Variants in TPO observed in about 807,000 individuals in gnomAD.
TPO encodes the protein thyroid peroxidase, also known as thyroid microsomal antigen.
TPO carries 78 observed loss-of-function variants against 96.9 expected under a neutral mutation model. The observed-to-expected ratio is 0.81, with a 90% confidence interval of 0.67 to 0.97. TPO has a LOEUF of 0.97. TPO is among the 50% of genes least tolerant of loss of function. The pLI, the probability that TPO is intolerant of heterozygous loss-of-function variation, is 0.00. For synonymous variants in TPO, 547 were observed against 538.0 expected, an observed-to-expected ratio of 1.02 and a Z score of -0.23; for missense variants, 1,252 against 1,274.8, an observed-to-expected ratio of 0.98 and a Z score of 0.27.
In TPO at chr2:1,487,744, A is replaced by G; in HGVS notation, c.1598-77A>G. ...AAAGAATGAGACTCCGTCTCAAAAA[A>G]AAAAAAAATTGAGATATTGTTGTTT... On this transcript the variant is annotated intron_variant, in intron 9 of 16. Transcript: ENST00000329066. 4 of 1,590,858 alleles carry G rather than the reference A, an allele frequency of 2.5e-6. No homozygotes were observed. The South Asian group carries it at 3.4e-5, about 13-fold the overall frequency.
chr2:1,454,483 T>C (rs970842727), intron 6 of TPO, among the ~76,000 whole-genome samples: 2 of 152,156 alleles, frequency 1.3e-5, no homozygotes, highest in African/African-American at 4.8e-5. Flanking sequence ...CCAACAACTT[T>C]ACCTAGGCAA....
chr2:1,400,135 A>G (rs1396267793), intron 1 of TPO, among the ~76,000 whole-genome samples: 2 of 152,146 alleles, frequency 1.3e-5, no homozygotes, highest in Non-Finnish European at 2.9e-5. Flanking sequence ...GTTATTATCA[A>G]AGATAGGGGA....
At chr2:1,426,980 C>T (rs531562691) in intron 3 of TPO, among the ~76,000 whole-genome samples, 1 of 152,306 alleles carries the variant, frequency 6.6e-6, no homozygotes, top group African/African-American at 2.4e-5. Flanking sequence ...AGCCTGCCTA[C>T]GGAAGTGTTT....
At chr2:1,453,272 T>A (rs990690485) in intron 5 of TPO, among the ~76,000 whole-genome samples, 3 of 152,218 alleles carry the variant, frequency 2.0e-5, no homozygotes, top group African/African-American at 4.8e-5. Context: ...CCCTGGTGGC[T>A]TCATGGTGCT....
At chr2:1,521,836 C>T (rs945317330) in intron 15 of TPO, among the ~76,000 whole-genome samples, 3 of 151,984 alleles carry the variant, frequency 2.0e-5, no homozygotes, top group African/African-American at 7.3e-5. Context: ...GGGAGCTGTT[C>T]CCAGCCTGGT....
chr2:1,450,409 C>T (rs898517599), intron 5 of TPO, among the ~76,000 whole-genome samples: 3 of 152,190 alleles, frequency 2.0e-5, no homozygotes, highest in Admixed American at 6.5e-5. Flanking sequence ...CAGAGTGACT[C>T]GGAGCCTCAG....
chr2:1,420,762 G>A (rs541592667), intron 2 of TPO, among the ~76,000 whole-genome samples: 2 of 152,240 alleles, frequency 1.3e-5, no homozygotes, highest in East Asian at 1.9e-4. Flanking sequence ...GGAGATCAGT[G>A]CAGGAGCCAG....
chr2:1,434,281 A>G (rs551944387), intron 4 of TPO, among the ~76,000 whole-genome samples: 64 of 152,286 alleles, frequency 4.2e-4, no homozygotes, highest in African/African-American at 1.5e-3. Context: ...ATTTATCAAG[A>G]ATTTTTTCTC....
At chr2:1,387,568 C>G (rs1421810522) in intron 1 of TPO, among the ~76,000 whole-genome samples, 1 of 152,196 alleles carries the variant, frequency 6.6e-6, no homozygotes, top group Non-Finnish European at 1.5e-5. Context: ...TCAGCAGGTC[C>G]TTTAAGGACT....
At position 1,496,699 on chromosome 2, in the gene TPO, C is replaced by A. The variant is rs777714325; in HGVS notation, c.2320C>A (p.Leu774Ile). 1 of 1,614,096 alleles carries A rather than the reference C, an allele frequency of 6.2e-7. No homozygotes were observed. The highest frequency in any genetic ancestry group is 8.5e-7 in the Non-Finnish European group (1 of 1,180,038). Residue 774 changes from leucine to isoleucine, a missense_variant, in exon 13 of 17, where the codon CTC becomes ATC. Physicochemically the swap from Leu to Ile is conservative, Grantham distance 5. Transcript: ENST00000329066. ...GTATTCCTGCCGGCACGGGTATGAG[C>A]TCCAAGGCCGGGAGCAGCTCACTTG... ...LVYSCRHGYELQGREQLTCTQ... is the reference protein window; with the variant it reads ...LVYSCRHGYEIQGREQLTCTQ...
chr2:1,426,598 T>C (rs1664432226), intron 3 of TPO, among the ~76,000 whole-genome samples: 1 of 152,262 alleles, frequency 6.6e-6, no homozygotes, highest in Non-Finnish European at 1.5e-5. Flanking sequence ...ATGCTCCTTC[T>C]GTAAAGTCAT....
At chr2:1,411,301 C>G (rs962068039), upstream of TPO, among the ~76,000 whole-genome samples, 1 of 152,062 alleles carries the variant, frequency 6.6e-6, no homozygotes, top group Non-Finnish European at 1.5e-5. Flanking sequence ...TGTGCGGGGT[C>G]AAATGGTAAC....
At chr2:1,436,513 T>C in intron 5 of TPO, 129 bp downstream of exon 5, 1 of 1,446,200 alleles carries the variant, frequency 6.9e-7, no homozygotes, top group Non-Finnish European at 9.5e-7. Flanking sequence ...GTTCCTGTCC[T>C]TGGCCTCCCC....
At chr2:1,475,251 A>G (rs542528714) in intron 7 of TPO, among the ~76,000 whole-genome samples, 2 of 152,078 alleles carry the variant, frequency 1.3e-5, no homozygotes, top group Non-Finnish European at 2.9e-5. Context: ...CTGGGCCTGT[A>G]TATTCTGAAG....
Position 1,524,796 on chromosome 2 carries a change from C to T in TPO, c.2618+7814C>T, listed in dbSNP as rs1361228243. 2.2e-5 allele frequency among the ~76,000 whole-genome samples: 3 copies of T among 137,190 alleles called. 1 individual carries two copies. In the East Asian group the frequency reaches 6.3e-4, roughly 29 times the overall value. 90.0% of individuals were successfully genotyped at this position (137,190 alleles called of 152,430 possible). ...ATCGCCCCACTATGAGCAGCCTCCT[C>T]AAATCCCCCAACTGTGTGCCACTTC... On this transcript the variant is annotated intron_variant, in intron 15 of 16. Coordinates refer to ENST00000329066, the MANE Select transcript of TPO (RefSeq NM_001206744.2).
intron 15 of TPO, among the ~76,000 whole-genome samples, chr2:1,531,297 CTTCCCTAAATCCCCCA>C: frequency 8.6e-6 from 1 of 116,920 alleles, no homozygotes; most frequent in Non-Finnish European, 1.8e-5. Flanking sequence ...ATGTCAGCAA[CTTCCCTAAATCCCCCA>C]ACTGTGTTCA....
intron 15 of TPO, among the ~76,000 whole-genome samples, chr2:1,529,238 C>T (rs1432726062): frequency 1.2e-4 from 9 of 74,168 alleles, no homozygotes; most frequent in Admixed American, 3.2e-4. Context: ...TGTGTGCAAC[C>T]GTGCTAAATC....
intron 5 of TPO, among the ~76,000 whole-genome samples, chr2:1,450,429 A>G (rs1573236906): frequency 6.6e-6 from 1 of 152,232 alleles, no homozygotes; most frequent in Non-Finnish European, 1.5e-5. Flanking sequence ...GCAGGAGCAC[A>G]GACCTCAGTC....
chr2:1,441,126 T>A lies in TPO; in HGVS notation c.482+4742T>A, dbSNP rs1666149753. On this transcript the variant is annotated intron_variant, in intron 5 of 16. Transcript: ENST00000329066. Reference sequence around the variant, plus strand: ...CCAGTTGTAAATGAATGGAGCAGGCTCCTTCCTGTTTGCATGGTGTAGTGA... The same window carrying A: ...CCAGTTGTAAATGAATGGAGCAGGCACCTTCCTGTTTGCATGGTGTAGTGA... Among the ~76,000 whole-genome samples the A allele has an allele frequency of 2.0e-5, 3 of 151,898 alleles. No homozygotes were observed. In the South Asian group the frequency reaches 6.2e-4, roughly 32 times the overall value.
Sources: allele counts gnomAD v4.1 joint callset (sites outside exome capture counted in the v4.1 genomes callset), GRCh38; gene constraint gnomAD v4.1.1; transcripts MANE v1.5; gene names NCBI Gene and HGNC (gene_info 2026-07-23, HGNC 2026-07-21).